MAP3K14: variants seen among roughly 807,000 people sequenced by gnomAD.
MAP3K14 encodes the protein NF-kappa-beta-inducing kinase.
Under a neutral mutation model 99.2 loss-of-function variants are expected in MAP3K14, and 16 were observed. The ratio of observed to expected loss-of-function variants is 0.16; its 90% confidence interval spans 0.11 to 0.24. The LOEUF is 0.24. Among genes scored for constraint, MAP3K14 ranks in the 10% least tolerant of loss-of-function variants. The pLI is 1.00. For missense variants in MAP3K14, 784 were observed against 1,208.7 expected, an observed-to-expected ratio of 0.65 and a Z score of 5.21; for synonymous variants, 462 against 492.4, an observed-to-expected ratio of 0.94 and a Z score of 0.82.
At chr17:45,284,720 A>G (rs981157726) in intron 6 of MAP3K14, 92 bp downstream of exon 6, 30 of 1,439,826 alleles carry the variant, frequency 2.1e-5, no homozygotes, top group African/African-American at 2.9e-5. Context: ...ACCCACGGCC[A>G]CCCTGCGACT....
intron 1 of MAP3K14, among the ~76,000 whole-genome samples, chr17:45,311,911 C>T (rs987835389): frequency 1.3e-5 from 2 of 152,170 alleles, no homozygotes; most frequent in African/African-American, 4.8e-5. Context: ...CTCAGGGTGG[C>T]TGGACTTAGG....
intron 1 of MAP3K14, among the ~76,000 whole-genome samples, chr17:45,312,805 G>A (rs117640223): frequency 6.6e-6 from 1 of 152,184 alleles, no homozygotes; most frequent in Admixed American, 6.5e-5. Context: ...ACATCTTTAC[G>A]AGGGGGAAAG....
Position 45,274,145 on chromosome 17 carries a change from C to T in MAP3K14, c.1530G>A (p.Arg510=). 6.2e-7 allele frequency: 1 copy of T among 1,608,648 alleles called. No homozygotes were observed. Among genetic ancestry groups the T allele is most frequent in the Non-Finnish European group, 8.5e-7 (1 of 1,177,528 alleles). ...LEGLEYLHSR[R]ILHGDVKADN... ...TACCTTTGACGTCCCCATGCAGAAT[C>T]CTTCGTGAGTGGAGGTATTCCAGAC... is the stretch of plus-strand genomic sequence containing the variant. The change falls in exon 8 of 16, where the codon AGG becomes AGA. Residue 510 remains arginine, a synonymous_variant. Transcript: ENST00000344686.
At chr17:45,296,694 C>G (rs1173396557) in intron 1 of MAP3K14, among the ~76,000 whole-genome samples, 1 of 152,184 alleles carries the variant, frequency 6.6e-6, no homozygotes, top group Non-Finnish European at 1.5e-5. Flanking sequence ...AGCCCTTCCC[C>G]CAGTTTGTTC....
At chr17:45,265,376 G>T in intron 14 of MAP3K14, 113 bp from the exon 15 acceptor site, 2 of 716,606 alleles carry the variant, frequency 2.8e-6, no homozygotes, top group South Asian at 1.5e-5. Context: ...GCCCTATGTA[G>T]GGGGAGCAGG....
At position 45,273,372 on chromosome 17, in the gene MAP3K14, C is replaced by G. The variant is rs538138481; in HGVS notation, c.1657+131G>C. The G allele has an allele frequency of 5.0e-5, 33 of 658,772 alleles. No homozygotes were observed. The East Asian group carries it at 8.2e-4, about 16-fold the overall frequency. 40.8% of individuals were successfully genotyped at this position (658,772 alleles called of 1,614,324 possible). On this transcript the variant is annotated intron_variant, in intron 9 of 15. Transcript: ENST00000344686. ...AACAAAGAAACCCCTGATAATCATC[C>G]AGGCTGGTTGCGGGGCTTAAACACA...
intron 7 of MAP3K14, 26 bp from the exon 8 acceptor site, chr17:45,274,280 C>T (rs1598246487): frequency 1.3e-6 from 2 of 1,594,618 alleles, no homozygotes; most frequent in Non-Finnish European, 8.5e-7. Context: ...CCAGGCTATA[C>T]ATGGGACTTG....
At chr17:45,266,504 G>C (rs368705783) in intron 14 of MAP3K14, 33 bp downstream of exon 14, 212 of 1,579,580 alleles carry the variant, frequency 1.3e-4, no homozygotes, top group Non-Finnish European at 1.8e-4. Flanking sequence ...AGCTGCCACG[G>C]GGACTGCTGA....
chr17:45,313,829 G>A (rs1052298090), intron 1 of MAP3K14, among the ~76,000 whole-genome samples: 1 of 152,188 alleles, frequency 6.6e-6, no homozygotes, highest in Non-Finnish European at 1.5e-5. Flanking sequence ...ATCGTTTCAT[G>A]AGCAAGGTAG....
intron 1 of MAP3K14, among the ~76,000 whole-genome samples, chr17:45,308,730 C>T (rs985720257): frequency 2.2e-4 from 33 of 150,430 alleles, no homozygotes; most frequent in African/African-American, 7.6e-4. Context: ...TGCAGTGGTG[C>T]GATCATGGCT....
chr17:45,267,612 G>C lies in MAP3K14; in HGVS notation c.2120C>G (p.Thr707Arg). 1 of 1,613,136 alleles carries C rather than the reference G, an allele frequency of 6.2e-7. No homozygotes were observed. The highest frequency in any genetic ancestry group is 8.5e-7 in the Non-Finnish European group (1 of 1,179,640). ...APGPRPAEET[T>R]GRAPKLQPPL... ...AGGCTGGAGCTTAGGGGCTCTGCCT[G>C]TTGTCTCCTCAGCTGGCCGGGGCCC... The change falls in exon 12 of 16, where the codon ACA becomes AGA. Residue 707 changes from threonine to arginine, a missense_variant. Transcript: ENST00000344686. This position sits in a 1 kb window ranked among gnomAD's most constrained non-coding sequence, Gnocchi z 5.1.
intron 1 of MAP3K14, among the ~76,000 whole-genome samples, chr17:45,295,277 C>A (rs907075290): frequency 5.3e-5 from 8 of 151,314 alleles, no homozygotes; most frequent in Admixed American, 6.6e-5. Context: ...TGAAATCATA[C>A]CTCATCTCCC....
chr17:45,269,245 C>A (rs972341243), intron 11 of MAP3K14, among the ~76,000 whole-genome samples: 2 of 152,136 alleles, frequency 1.3e-5, no homozygotes, highest in Non-Finnish European at 2.9e-5. Flanking sequence ...CTCCTGGCCT[C>A]AAGCGATCCT....
chr17:45,296,959 T>C (rs1657784698), intron 1 of MAP3K14, among the ~76,000 whole-genome samples: 1 of 152,222 alleles, frequency 6.6e-6, no homozygotes, highest in Non-Finnish European at 1.5e-5. Context: ...CTACCGTCCA[T>C]AAATGTCTTC....
rs1598254876 is a variant in MAP3K14 at position 45,286,013 on chromosome 17, C to A, written c.1152+418G>T. 6.9e-6 allele frequency among the ~76,000 whole-genome samples: 1 copy of A among 145,500 alleles called. No homozygotes were observed. The highest frequency in any genetic ancestry group is 3.6e-3 in the Middle Eastern group (1 of 276). ...GATGGATGGAATAAAACCCGGAAATCAAAGTTTGATAAAATCATTTAAAGT... is the reference window on the plus strand; with the variant it reads ...GATGGATGGAATAAAACCCGGAAATAAAAGTTTGATAAAATCATTTAAAGT... On this transcript the variant is annotated intron_variant, in intron 5 of 15. Coordinates refer to ENST00000344686, the MANE Select transcript of MAP3K14 (RefSeq NM_003954.5). This position sits in a 1 kb window ranked among gnomAD's most constrained non-coding sequence, Gnocchi z 4.1.
chr17:45,292,128 T>C (rs563948111), intron 1 of MAP3K14, among the ~76,000 whole-genome samples: 1 of 152,360 alleles, frequency 6.6e-6, no homozygotes, highest in South Asian at 2.1e-4. Flanking sequence ...ATTGATTAGT[T>C]CCTTGCATCT....
chr17:45,306,935 A>G (rs1043190110), intron 1 of MAP3K14, among the ~76,000 whole-genome samples: 7 of 152,236 alleles, frequency 4.6e-5, no homozygotes, highest in Admixed American at 1.3e-4. Flanking sequence ...TACAATAAGC[A>G]ACAAGGAATG....
At chr17:45,275,594 G>A (rs150647509) in intron 6 of MAP3K14, among the ~76,000 whole-genome samples, 7 of 151,742 alleles carry the variant, frequency 4.6e-5, no homozygotes, top group Non-Finnish European at 7.4e-5. Flanking sequence ...TCTGCCAAAC[G>A]CAGAACATTT....
rs2044050696 is a variant in MAP3K14, at chr17:45,264,382, G to C, written c.*254C>G. ...AGAGAAGATCCTGTTTGTTTCCCGAGGTAACTCCTGCCATCCTCCTCTGTC... is the reference window on the plus strand; with the variant it reads ...AGAGAAGATCCTGTTTGTTTCCCGACGTAACTCCTGCCATCCTCCTCTGTC... On this transcript the variant is annotated 3_prime_UTR_variant, in exon 16 of 16. Transcript: ENST00000344686. 6.3e-6 allele frequency: 3 copies of C among 478,302 alleles called. No individual in the cohort carries two copies. The highest frequency in any genetic ancestry group is 7.2e-5 in the Admixed American group (2 of 27,836). The allele number at this position is 478,302 out of a possible 1,614,324, so 29.6% of individuals were successfully genotyped here.
Sources: gnomAD v4.1 joint callset for allele counts (sites outside exome capture counted in the v4.1 genomes callset) on GRCh38, gnomAD v4.1.1 for gene constraint, Gnocchi (gnomAD v3.1) non-coding constraint, MANE v1.5 for transcripts, NCBI Gene and HGNC (gene_info 2026-07-23, HGNC 2026-07-21) for gene names.